Variants in PPARGC1A observed in about 807,000 individuals in gnomAD.
The protein encoded by PPARGC1A is peroxisome proliferator-activated receptor gamma coactivator 1-alpha.
In PPARGC1A, 25 loss-of-function variants were observed where a neutral mutation model predicts 88.7. The observed-to-expected ratio is 0.28, with a 90% confidence interval of 0.21 to 0.39. The LOEUF (loss-of-function observed/expected upper bound fraction) is 0.39, where lower values mean the gene tolerates loss of function less well. Ranked by LOEUF, PPARGC1A falls within the 10% of genes least tolerant of loss-of-function variation. The pLI is 1.00. For missense variants in PPARGC1A, 880 were observed against 968.7 expected (o/e 0.91, Z 1.22); for synonymous variants, 363 against 355.6 (o/e 1.02, Z -0.24).
chr4:23,869,603 A>G (rs914038941), intron 2 of PPARGC1A, among the ~76,000 whole-genome samples: 1 of 141,104 alleles, frequency 7.1e-6, no homozygotes, highest in African/African-American at 2.6e-5. Flanking sequence ...AGCAGATCTT[A>G]ATGACTGTTT....
the PPARGC1A span, among the ~76,000 whole-genome samples, chr4:24,189,635 C>T: frequency 4.5e-4 from 68 of 152,270 alleles, 2 homozygotes; most frequent in Middle Eastern, 3.4e-3. Context: ...TCACTTCTAG[C>T]ATAGGCTATT....
the PPARGC1A span, among the ~76,000 whole-genome samples, chr4:24,238,444 C>T: frequency 1.9e-3 from 285 of 152,224 alleles, 1 homozygote; most frequent in African/African-American, 6.5e-3. Context: ...TAGCCACTCA[C>T]GGAGTTATGC....
the PPARGC1A span, among the ~76,000 whole-genome samples, chr4:24,336,013 C>T: frequency 1.3e-5 from 2 of 152,270 alleles, no homozygotes; most frequent in Admixed American, 6.5e-5. Flanking sequence ...CCCCTAAACA[C>T]CAGTTGTCTT....
At chr4:24,228,876 T>G in the PPARGC1A span, among the ~76,000 whole-genome samples, 1 of 152,230 alleles carries the variant, frequency 6.6e-6, no homozygotes, top group African/African-American at 2.4e-5. Context: ...AGTGGATTTA[T>G]CTTCCTCCTC....
rs777851043 is a variant in PPARGC1A at position 23,899,092 on chromosome 4, C to T, written n.52+175G>A. ...CCAGACCTGATGATCCACCCCCCCC[C>T]GGCCTTGGCCTTCCAAAGTGCTGGG... On this transcript the variant is annotated intron_variant and non_coding_transcript_variant, in intron 1 of 3. Coordinates refer to the PPARGC1A transcript ENST00000507342. Among the ~76,000 whole-genome samples the T allele has an allele frequency of 6.7e-3, 1,009 of 151,508 alleles. 3 individuals are homozygous for T. The highest frequency in any genetic ancestry group is 9.0e-3 in the African/African-American group (371 of 41,146).
At chr4:24,070,416 A>G in the PPARGC1A span, among the ~76,000 whole-genome samples, 4 of 152,320 alleles carry the variant, frequency 2.6e-5, no homozygotes, top group East Asian at 5.8e-4. Context: ...GCAGTAAAGA[A>G]CCATCTTTGT....
the PPARGC1A span, among the ~76,000 whole-genome samples, chr4:23,945,480 G>T: frequency 6.6e-6 from 1 of 152,148 alleles, no homozygotes; most frequent in Non-Finnish European, 1.5e-5. Context: ...TAAAGCAATA[G>T]AAGAGATGCC....
At chr4:24,044,704 G>A in the PPARGC1A span, among the ~76,000 whole-genome samples, 1 of 152,306 alleles carries the variant, frequency 6.6e-6, no homozygotes, top group African/African-American at 2.4e-5. Context: ...AAAATGGCAT[G>A]TGGTGACAGA....
intron 1 of PPARGC1A, among the ~76,000 whole-genome samples, chr4:23,886,896 C>T (rs1717014178): frequency 6.8e-6 from 1 of 147,498 alleles, no homozygotes; most frequent in Non-Finnish European, 1.5e-5. Context: ...AAAATAGCAA[C>T]ACAAAAGTAA....
the PPARGC1A span, among the ~76,000 whole-genome samples, chr4:24,070,213 C>T: frequency 2.6e-5 from 4 of 152,206 alleles, no homozygotes; most frequent in African/African-American, 9.7e-5. Context: ...GCATTCTTCT[C>T]TTCACTGGGC....
At chr4:24,080,493 TATC>T in the PPARGC1A span, among the ~76,000 whole-genome samples, 1 of 152,128 alleles carries the variant, frequency 6.6e-6, no homozygotes, top group South Asian at 2.1e-4. Context: ...TACCTGGTAA[TATC>T]ATTTTTATCT....
chr4:23,995,997 C>T, the PPARGC1A span, among the ~76,000 whole-genome samples: 2 of 152,290 alleles, frequency 1.3e-5, no homozygotes, highest in South Asian at 4.2e-4. Flanking sequence ...CTCAACAGTG[C>T]AAAGAATGTC....
At chr4:24,130,771 T>C in the PPARGC1A span, among the ~76,000 whole-genome samples, 2 of 152,034 alleles carry the variant, frequency 1.3e-5, no homozygotes, top group Admixed American at 1.3e-4. Flanking sequence ...AATTAACCCA[T>C]GCCACAAGCT....
At chr4:24,013,458 C>T in the PPARGC1A span, among the ~76,000 whole-genome samples, 3 of 152,014 alleles carry the variant, frequency 2.0e-5, no homozygotes, top group Admixed American at 6.6e-5. Flanking sequence ...TTGTATTCAT[C>T]GTTAAACAGT....
At chr4:24,146,831 CT>C in the PPARGC1A span, among the ~76,000 whole-genome samples, 1 of 152,312 alleles carries the variant, frequency 6.6e-6, no homozygotes, top group Non-Finnish European at 1.5e-5. Flanking sequence ...GGAAGCACCC[CT>C]GGTGGCTCTC....
At chr4:24,336,161 C>T in the PPARGC1A span, among the ~76,000 whole-genome samples, 1 of 152,280 alleles carries the variant, frequency 6.6e-6, no homozygotes, top group East Asian at 1.9e-4. Flanking sequence ...TGAGCACCTC[C>T]TCTCTAGTAT....
chr4:23,816,994 G>T (rs1199181601), intron 7 of PPARGC1A, among the ~76,000 whole-genome samples: 1 of 152,094 alleles, frequency 6.6e-6, no homozygotes, highest in South Asian at 2.1e-4. Flanking sequence ...GGGAAACCGG[G>T]TAAACATTTT....
chr4:24,441,735 G>C, the PPARGC1A span, among the ~76,000 whole-genome samples: 2 of 152,178 alleles, frequency 1.3e-5, no homozygotes, highest in Non-Finnish European at 2.9e-5. Flanking sequence ...AGGAGGAAAG[G>C]AGGAGGGGAG....
intron 5 of PPARGC1A, among the ~76,000 whole-genome samples, chr4:23,824,776 T>C (rs368662336): frequency 6.6e-5 from 10 of 152,126 alleles, no homozygotes; most frequent in African/African-American, 2.2e-4. Context: ...ATACAAAATT[T>C]GCATCATACC....
Sources: gnomAD v4.1 joint callset for allele counts (sites outside exome capture counted in the v4.1 genomes callset) on GRCh38, gnomAD v4.1.1 for gene constraint, MANE v1.5 for transcripts, NCBI Gene and HGNC (gene_info 2026-07-23, HGNC 2026-07-21) for gene names.